The following ZBTB7A variants were observed in gnomAD, a reference collection of about 807,000 sequenced individuals.
ZBTB7A encodes the protein zinc finger and BTB domain containing 7A, also known as zinc finger and BTB domain-containing protein 7A.
In ZBTB7A, 7 loss-of-function variants were observed where a neutral mutation model predicts 26.7. The observed-to-expected ratio is 0.26, with a 90% CI of 0.15 to 0.49. The LOEUF is 0.49. Ranked by LOEUF, ZBTB7A falls within the 20% of genes least tolerant of loss-of-function variation. The probability of loss-of-function intolerance (pLI) is 0.98; values close to 1 mark genes in which losing one functional copy is unlikely to be tolerated. For synonymous variants in ZBTB7A, 452 were observed against 441.0 expected (o/e 1.02, Z -0.31); for missense variants, 617 against 919.5 (o/e 0.67, Z 4.25).
chr19:4,059,898 C>G (rs1197290344), intron 1 of ZBTB7A, among the ~76,000 whole-genome samples: 1 of 152,264 alleles, frequency 6.6e-6, no homozygotes, highest in African/African-American at 2.4e-5. Context: ...AAAAAGTCCC[C>G]GAGTGCTGAA....
At position 4,054,835 on chromosome 19, in the gene ZBTB7A, G is replaced by T. The variant is rs77059506; in HGVS notation, c.398C>A (p.Ala133Glu). The change falls in exon 2 of 3, where the codon GCG becomes GAG. Residue 133 changes from alanine to glutamate, a missense_variant. Physicochemically the swap from Ala to Glu is moderately radical, Grantham distance 107. Transcript: ENST00000322357. Reference protein sequence around the residue: ...CADLLDRQILAADAGADAGQL... With the variant: ...CADLLDRQILEADAGADAGQL... ...CCCGGCGTCGGCGCCCGCGTCGGCC[G>T]CCAGGATCTGCCGGTCCAGGAGGTC... 6.2e-7 allele frequency: 1 copy of T among 1,604,860 alleles called. No individual in the cohort carries two copies. Among genetic ancestry groups the T allele is most frequent in the Non-Finnish European group, 8.5e-7 (1 of 1,175,642 alleles).
In ZBTB7A at chr19:4,045,624, G is replaced by C. The variant is rs1270010766; in HGVS notation, c.*2128C>G. On this transcript the variant is annotated 3_prime_UTR_variant, in exon 3 of 3. Transcript: ENST00000322357. This position sits in a 1 kb window ranked among gnomAD's most constrained non-coding sequence, Gnocchi z 4.1. Reference sequence around the variant, plus strand: ...GTCACAGAGAAGGGGGTATGGGGGGGTCGGGGGCAGGGAGACACCCCCCCG... The same window carrying C: ...GTCACAGAGAAGGGGGTATGGGGGGCTCGGGGGCAGGGAGACACCCCCCCG... 5.9e-6 allele frequency: 2 copies of C among 340,224 alleles called. No individual in the cohort carries two copies. The highest frequency in any genetic ancestry group is 4.6e-5 in the East Asian group (1 of 21,840). 21.1% of individuals were successfully genotyped at this position (340,224 alleles called of 1,614,324 possible).
In ZBTB7A at chr19:4,048,729, C is replaced by T. The variant is rs147161841; in HGVS notation, c.1263-485G>A. On this transcript the variant is annotated intron_variant, in intron 2 of 2. Transcript: ENST00000322357. The surrounding 1 kb of genome is among the most constrained non-coding windows in gnomAD (Gnocchi z 6.7). Reference sequence around the variant, plus strand: ...TCAGCCGGGCATGGTAGCAGGCGCCCGTAATGCCAGCTATTAGGAAGGCTG... The same window carrying T: ...TCAGCCGGGCATGGTAGCAGGCGCCTGTAATGCCAGCTATTAGGAAGGCTG... Among the ~76,000 whole-genome samples, 19 of 151,732 alleles carry T rather than the reference C, an allele frequency of 1.3e-4. No homozygotes were observed. The East Asian group carries it at 3.1e-3, about 25-fold the overall frequency.
At chr19:4,057,640 G>C (rs1335912035) in intron 1 of ZBTB7A, among the ~76,000 whole-genome samples, 1 of 151,674 alleles carries the variant, frequency 6.6e-6, no homozygotes, top group Non-Finnish European at 1.5e-5. Context: ...AATTAGCTGG[G>C]CCTGGTGGCG....
intron 1 of ZBTB7A, among the ~76,000 whole-genome samples, chr19:4,057,059 A>C (rs1351568856): frequency 6.6e-6 from 1 of 150,622 alleles, no homozygotes; most frequent in Non-Finnish European, 1.5e-5. Flanking sequence ...AAAAAGAAAA[A>C]AAAAAAGGGC....
At chr19:4,058,524 C>T (rs572053193) in intron 1 of ZBTB7A, among the ~76,000 whole-genome samples, 36 of 152,348 alleles carry the variant, frequency 2.4e-4, no homozygotes, top group Middle Eastern at 6.8e-3. Context: ...CCCACCCCTC[C>T]GCCCTCTCCT....
intron 1 of ZBTB7A, among the ~76,000 whole-genome samples, chr19:4,063,691 GGTGGGCAGGCGCCCCTGGGCCACCACACA>G (rs983597759): frequency 6.6e-6 from 1 of 152,208 alleles, no homozygotes; most frequent in African/African-American, 2.4e-5. Flanking sequence ...CTTAAAGACA[GGTGGGCAGGCGCCCCTGGGCCACCACACA>G]GTGGGAGGGG....
intron 1 of ZBTB7A, among the ~76,000 whole-genome samples, chr19:4,063,449 T>C (rs2145009294): frequency 6.6e-6 from 1 of 152,282 alleles, no homozygotes; most frequent in East Asian, 1.9e-4. Context: ...GACGAGTTTG[T>C]GGCTCGGCAG....
In ZBTB7A at chr19:4,043,848, C is replaced by A. The variant is rs929078464; in HGVS notation, c.*3904G>T. Among the ~76,000 whole-genome samples, 17 of 143,568 alleles carry A rather than the reference C, an allele frequency of 1.2e-4. 1 individual carries two copies. The highest frequency in any genetic ancestry group is 6.3e-4 in the East Asian group (3 of 4,758). The allele number at this position is 143,568 out of a possible 152,430, so 94.2% of individuals were successfully genotyped here. A position where few individuals can be genotyped will look rare whatever the true frequency, so the allele number is the denominator to read the frequency against. On this transcript the variant is annotated 3_prime_UTR_variant, in exon 3 of 3. Coordinates refer to ENST00000322357, the MANE Select transcript of ZBTB7A (RefSeq NM_015898.4). ...GTCCTGCGCCAGCCACCCACCACCC[C>A]CCCCCCCCCACCTCCAGGAAGGCTG...
In ZBTB7A at chr19:4,052,544, C is replaced by T. The variant is rs571180068; in HGVS notation, c.1262+1427G>A. Among the ~76,000 whole-genome samples the T allele has an allele frequency of 1.9e-4, 28 of 150,282 alleles. No homozygotes were observed. Among genetic ancestry groups the T allele is most frequent in the Non-Finnish European group, 3.6e-4 (24 of 67,568 alleles). On this transcript the variant is annotated intron_variant, in intron 2 of 2. Coordinates refer to ENST00000322357, the MANE Select transcript of ZBTB7A (RefSeq NM_015898.4). This position sits in a 1 kb window ranked among gnomAD's most constrained non-coding sequence, Gnocchi z 4.9. ...GGGTCAGTCCCAGTTCCTGTCCCCA[C>T]GGGGTGGGGTTGGGAAGCTGGGACA... is the stretch of plus-strand genomic sequence containing the variant.
At chr19:4,058,464 C>A (rs779096407) in intron 1 of ZBTB7A, among the ~76,000 whole-genome samples, 77 of 151,884 alleles carry the variant, frequency 5.1e-4, no homozygotes, top group Non-Finnish European at 9.1e-4. Context: ...TTCCCCTCGG[C>A]TGTGACTCAT....
In ZBTB7A at chr19:4,046,940, G is replaced by A. The variant is rs1459983599; in HGVS notation, c.*812C>T. The A allele has an allele frequency of 6.9e-6, 1 of 145,806 alleles. No homozygotes were observed. Among genetic ancestry groups the A allele is most frequent in the Non-Finnish European group, 1.5e-5 (1 of 65,524 alleles). 9.0% of individuals were successfully genotyped at this position (145,806 alleles called of 1,614,324 possible). A position where few individuals can be genotyped will look rare whatever the true frequency, so the allele number is the denominator to read the frequency against. The stretch of plus-strand genomic sequence containing the variant: ...AGGTGGACCGGGCGGGGGTGGGGGG[G>A]CGCCCTGAGGGGTGGTCCCTGGGGG... On this transcript the variant is annotated 3_prime_UTR_variant, in exon 3 of 3. Coordinates refer to ENST00000322357, the MANE Select transcript of ZBTB7A (RefSeq NM_015898.4).
At position 4,054,865 on chromosome 19, in the gene ZBTB7A, C is replaced by T; in HGVS notation, c.368G>A (p.Cys123Tyr). Residue 123 changes from cysteine (C) to tyrosine (Y), a missense_variant, in exon 2 of 3, where the codon TGC becomes TAC. Coordinates refer to ENST00000322357, the MANE Select transcript of ZBTB7A (RefSeq NM_015898.4). ...LLEIPAVSHVCADLLDRQILA... is the reference protein window; with the variant it reads ...LLEIPAVSHVYADLLDRQILA... ...GATCTGCCGGTCCAGGAGGTCGGCG[C>T]ACACGTGGCTCACGGCGGGGATCTC... 1 of 1,609,916 alleles carries T rather than the reference C, an allele frequency of 6.2e-7. No individual in the cohort carries two copies. Among genetic ancestry groups the T allele is most frequent in the Non-Finnish European group, 8.5e-7 (1 of 1,178,174 alleles).
Position 4,045,856 on chromosome 19 carries a change from C to T in ZBTB7A, c.*1896G>A, listed in dbSNP as rs2144965034. ...GTTGGGGGGAGGCAGGTCCCAGTCCCCCTGGATTACAGTCAGTGCCTTTGA... is the reference window on the plus strand; with the variant it reads ...GTTGGGGGGAGGCAGGTCCCAGTCCTCCTGGATTACAGTCAGTGCCTTTGA... On this transcript the variant is annotated 3_prime_UTR_variant, in exon 3 of 3. Coordinates refer to ENST00000322357, the MANE Select transcript of ZBTB7A (RefSeq NM_015898.4). This position sits in a 1 kb window ranked among gnomAD's most constrained non-coding sequence, Gnocchi z 4.1. 4 of 398,854 alleles carry T rather than the reference C, an allele frequency of 1.0e-5. No homozygotes were observed. In the South Asian group the frequency reaches 5.1e-4, roughly 51 times the overall value. The allele number at this position is 398,854 out of a possible 1,614,324, so 24.7% of individuals were successfully genotyped here.
Position 4,054,158 on chromosome 19 carries a change from C to T in ZBTB7A, c.1075G>A (p.Ala359Thr), listed in dbSNP as rs751492312. The T allele has an allele frequency of 2.5e-6, 4 of 1,602,132 alleles. No homozygotes were observed. The highest frequency in any genetic ancestry group is 1.3e-5 in the African/African-American group (1 of 74,906). ...GCCGGGTAGACGTCGCCGTCGTGGG[C>T]GCCGCTGAAGTACTTCAGGTAGTAG... ...MDYYLKYFSG[A>T]HDGDVYPAWS... Residue 359 changes from alanine (A) to threonine (T), a missense_variant, in exon 2 of 3, where the codon GCC becomes ACC. By Grantham distance (58) the Ala-to-Thr change is moderately conservative. Transcript: ENST00000322357.
At chr19:4,049,264 T>C (rs1479401598) in intron 2 of ZBTB7A, among the ~76,000 whole-genome samples, 5 of 140,350 alleles carry the variant, frequency 3.6e-5, no homozygotes, top group African/African-American at 5.2e-5. Flanking sequence ...CTCAAACTCC[T>C]GGGCTCAAGT....
rs2040403771 is a variant in ZBTB7A at position 4,045,490 on chromosome 19, G to C, written c.*2262C>G. On this transcript the variant is annotated 3_prime_UTR_variant, in exon 3 of 3. Coordinates refer to ENST00000322357, the MANE Select transcript of ZBTB7A (RefSeq NM_015898.4). The surrounding 1 kb of genome is among the most constrained non-coding windows in gnomAD (Gnocchi z 4.1). ...GAGGGGGCTGACAGGCTTAAGGGGG[G>C]GTGGGAAGGGAAGGGAACCAAAACC... 6.6e-6 allele frequency: 1 copy of C among 152,580 alleles called. No individual in the cohort carries two copies. Among genetic ancestry groups the C allele is most frequent in the African/African-American group, 2.4e-5 (1 of 41,070 alleles). The allele number at this position is 152,580 out of a possible 1,614,324, so 9.5% of individuals were successfully genotyped here. A position where few individuals can be genotyped will look rare whatever the true frequency, so the allele number is the denominator to read the frequency against.
rs1247572031 is a variant in ZBTB7A, at chr19:4,048,295, A to G, written c.1263-51T>C. 10 of 1,509,278 alleles carry G rather than the reference A, an allele frequency of 6.6e-6. No homozygotes were observed. Among genetic ancestry groups the G allele is most frequent in the Non-Finnish European group, 7.9e-6 (9 of 1,138,530 alleles). The allele number at this position is 1,509,278 out of a possible 1,614,324, so 93.5% of individuals were successfully genotyped here. A position where few individuals can be genotyped will look rare whatever the true frequency, so the allele number is the denominator to read the frequency against. On this transcript the variant is annotated intron_variant, in intron 2 of 2. Transcript: ENST00000322357. The surrounding 1 kb of genome is among the most constrained non-coding windows in gnomAD (Gnocchi z 6.7). Reference sequence around the variant, plus strand: ...CGGTCAGTGGGGCCGGGGACCCCCGATCCCCGCCCAGGGACCCTCACGGAC... The same window carrying G: ...CGGTCAGTGGGGCCGGGGACCCCCGGTCCCCGCCCAGGGACCCTCACGGAC...
intron 1 of ZBTB7A, among the ~76,000 whole-genome samples, chr19:4,064,188 G>A (rs2040667358): frequency 6.6e-6 from 1 of 152,352 alleles, no homozygotes; most frequent in South Asian, 2.1e-4. Context: ...CCGGGCCCAG[G>A]TGCTGACTGG....
Sources: allele counts gnomAD v4.1 joint callset (sites outside exome capture counted in the v4.1 genomes callset), GRCh38; gene constraint gnomAD v4.1.1; non-coding constraint Gnocchi (gnomAD v3.1); transcripts MANE v1.5; gene names NCBI Gene and HGNC (gene_info 2026-07-23, HGNC 2026-07-21).